Variants in TNRC6A observed in about 807,000 individuals in gnomAD.
TNRC6A encodes the protein trinucleotide repeat containing adaptor 6A, also known as trinucleotide repeat-containing gene 6A protein.
TNRC6A carries 44 observed loss-of-function variants against 221.2 expected under a neutral mutation model. That is an observed-to-expected ratio of 0.20 (90% CI 0.16 to 0.26). TNRC6A has a LOEUF of 0.26. Among genes scored for constraint, TNRC6A ranks in the 10% least tolerant of loss-of-function variants. TNRC6A has a pLI of 1.00. For synonymous variants in TNRC6A, 847 were observed against 838.5 expected, an observed-to-expected ratio of 1.01 and a Z score of -0.18; for missense variants, 2,199 against 2,404.4, an observed-to-expected ratio of 0.91 and a Z score of 1.79.
intron 2 of TNRC6A, among the ~76,000 whole-genome samples, chr16:24,665,632 A>C (rs956307374): frequency 6.6e-6 from 1 of 152,150 alleles, no homozygotes; most frequent in Admixed American, 6.6e-5. Flanking sequence ...GCTGTTTGGT[A>C]GATTGTAGGA....
At position 24,713,417 on chromosome 16, in the gene TNRC6A, AAAACAAACAAAC is replaced by A. The variant is rs144445788; in HGVS notation, n.403-37285_403-37274del. ...TGGCTGACAGAGTAAAACTCTGTCTAAAACAAACAAACAAACAAACAAACAAACAAACAAAAA... is the reference window on the plus strand; with the variant it reads ...TGGCTGACAGAGTAAAACTCTGTCTAAAACAAACAAACAAACAAACAAAAA... On this transcript the variant is annotated intron_variant and non_coding_transcript_variant, in intron 2 of 2. Coordinates refer to the TNRC6A transcript ENST00000566108. Among the ~76,000 whole-genome samples the A allele has an allele frequency of 5.1e-5, 7 of 138,240 alleles. No homozygotes were observed. The South Asian group carries it at 8.5e-4, about 17-fold the overall frequency. 90.7% of individuals were successfully genotyped at this position (138,240 alleles called of 152,430 possible).
rs894481097 is a variant in TNRC6A at position 24,823,943 on chromosome 16, A to G, written c.*136A>G. ...CACATTTTCCACTTTGTTTTCCCCA[A>G]AACATATCAGTTTGAATACTTGAAT... On this transcript the variant is annotated 3_prime_UTR_variant, in exon 25 of 25. Coordinates refer to ENST00000395799, the MANE Select transcript of TNRC6A (RefSeq NM_014494.4). This position sits in a 1 kb window ranked among gnomAD's most constrained non-coding sequence, Gnocchi z 4.3. 2.3e-5 allele frequency: 20 copies of G among 871,476 alleles called. No homozygotes were observed. In the Middle Eastern group the frequency reaches 1.3e-3, roughly 56 times the overall value. 54.0% of individuals were successfully genotyped at this position (871,476 alleles called of 1,614,324 possible).
intron 1 of TNRC6A, among the ~76,000 whole-genome samples, chr16:24,617,025 C>A (rs540813523): frequency 6.6e-6 from 1 of 152,060 alleles, no homozygotes; most frequent in African/African-American, 2.4e-5. Flanking sequence ...CCTTCTTGAT[C>A]TTTTGTGTGT....
chr16:24,771,561 T>TATGTTTTATGTTATGTTG, intron 4 of TNRC6A, among the ~76,000 whole-genome samples: 1 of 99,178 alleles, frequency 1.0e-5, no homozygotes. Context: ...TATGTTATGT[T>TATGTTTTATGTTATGTTG]TTATGTTATG....
In TNRC6A at chr16:24,795,756, T is replaced by C. The variant is rs77368283; in HGVS notation, c.3529-151T>C. The C allele has an allele frequency of 0.018, 11,024 of 611,188 alleles. 934 individuals carry two copies. In the East Asian group the frequency reaches 0.21, roughly 12 times the overall value. The allele number at this position is 611,188 out of a possible 1,614,324, so 37.9% of individuals were successfully genotyped here. On this transcript the variant is annotated intron_variant, in intron 8 of 24. Coordinates refer to ENST00000395799, the MANE Select transcript of TNRC6A (RefSeq NM_014494.4). ...ACAACCATCTAAGATAGGACACTGATGAATTTGAGACTGGAAAAGGTGGTG... is the reference window on the plus strand; with the variant it reads ...ACAACCATCTAAGATAGGACACTGACGAATTTGAGACTGGAAAAGGTGGTG...
intron 2 of TNRC6A, among the ~76,000 whole-genome samples, chr16:24,695,822 C>T (rs2055847555): frequency 6.6e-6 from 1 of 152,112 alleles, no homozygotes; most frequent in Admixed American, 6.6e-5. Flanking sequence ...GTTAATTTGG[C>T]CACGTCACCG....
At chr16:24,661,715 A>G (rs2055039015) in intron 2 of TNRC6A, 1 of 152,206 alleles carries the variant, frequency 6.6e-6, no homozygotes, top group Non-Finnish European at 1.5e-5. Flanking sequence ...CCTGGCCTAC[A>G]TCCTTATTCT....
intron 2 of TNRC6A, among the ~76,000 whole-genome samples, chr16:24,701,366 T>C (rs1567369100): frequency 7.1e-6 from 1 of 139,982 alleles, no homozygotes; most frequent in African/African-American, 3.1e-5. Context: ...TAACTTTTTT[T>C]TCTTTTTTTT....
At chr16:24,774,685 C>G (rs2057683188) in intron 4 of TNRC6A, among the ~76,000 whole-genome samples, 1 of 152,128 alleles carries the variant, frequency 6.6e-6, no homozygotes, top group Non-Finnish European at 1.5e-5. Context: ...ACACTAAGTC[C>G]AGTACTAAGC....
chr16:24,747,113 G>A (rs571653411), intron 2 of TNRC6A, among the ~76,000 whole-genome samples: 52 of 152,186 alleles, frequency 3.4e-4, no homozygotes, highest in African/African-American at 1.2e-3. Flanking sequence ...TTTTCAGATC[G>A]AGATATTGCA....
At chr16:24,730,203 T>C (rs771167175) in intron 1 of TNRC6A, 50 bp from the exon 2 acceptor site, 4 of 1,445,192 alleles carry the variant, frequency 2.8e-6, no homozygotes, top group Non-Finnish European at 1.8e-6. Context: ...CGCATCTCGT[T>C]TTTGTGTGTG....
At chr16:24,623,393 T>G (rs1376356282) in intron 1 of TNRC6A, among the ~76,000 whole-genome samples, 1 of 151,988 alleles carries the variant, frequency 6.6e-6, no homozygotes, top group Non-Finnish European at 1.5e-5. Flanking sequence ...GGAGACAGGA[T>G]TTCACCGTGT....
chr16:24,764,060 T>A (rs983850139), intron 4 of TNRC6A, among the ~76,000 whole-genome samples: 11 of 152,128 alleles, frequency 7.2e-5, no homozygotes, highest in Non-Finnish European at 1.5e-4. Flanking sequence ...TCCCTAGACT[T>A]ACCCACATAC....
At chr16:24,657,077 C>G (rs1193218633) in intron 2 of TNRC6A, among the ~76,000 whole-genome samples, 1 of 151,668 alleles carries the variant, frequency 6.6e-6, no homozygotes, top group Non-Finnish European at 1.5e-5. Flanking sequence ...CTTTGGGAGG[C>G]CAAGGCAAAA....
chr16:24,650,836 T>A (rs1902602094), intron 2 of TNRC6A, among the ~76,000 whole-genome samples: 1 of 152,168 alleles, frequency 6.6e-6, no homozygotes, highest in Admixed American at 6.6e-5. Flanking sequence ...AATATAATCC[T>A]ACCAAAGCAA....
intron 5 of TNRC6A, among the ~76,000 whole-genome samples, chr16:24,786,275 A>G (rs1322951795): frequency 2.0e-5 from 3 of 147,506 alleles, no homozygotes; most frequent in Non-Finnish European, 4.5e-5. Context: ...GATCAGATAT[A>G]GTTCAGAGTC....
chr16:24,737,847 A>G (rs77201976), intron 2 of TNRC6A, among the ~76,000 whole-genome samples: 1 of 84,340 alleles, frequency 1.2e-5, no homozygotes, highest in African/African-American at 4.2e-5. Context: ...TCCCTAAAAC[A>G]TGTGTGCACA....
chr16:24,770,038 C>A (rs1299902658), intron 4 of TNRC6A, among the ~76,000 whole-genome samples: 1 of 152,156 alleles, frequency 6.6e-6, no homozygotes, highest in African/African-American at 2.4e-5. Flanking sequence ...TAGAGGAGGG[C>A]AATCTGGTTG....
At position 24,806,281 on chromosome 16, in the gene TNRC6A, C is replaced by T; in HGVS notation, c.4327C>T (p.Gln1443Ter). 6.2e-7 allele frequency: 1 copy of T among 1,614,118 alleles called. No individual in the cohort carries two copies. The highest frequency in any genetic ancestry group is 8.5e-7 in the Non-Finnish European group (1 of 1,180,030). The change falls in exon 16 of 25, where the codon CAG (glutamine) becomes TAG (stop). Residue 1443 changes from glutamine to a stop codon, truncating the protein, a stop_gained and splice_region_variant. Coordinates refer to ENST00000395799, the MANE Select transcript of TNRC6A (RefSeq NM_014494.4). LOFTEE classifies it high-confidence loss of function. ...PSGNRPQQDQ[Q>*]GRPLSVQQQM... The stretch of plus-strand genomic sequence containing the variant: ...TGGGAACCGGCCGCAGCAAGACCAG[C>T]AGGTAGAGCCCGCCCTGCAACTCGC...
Sources: allele counts gnomAD v4.1 joint callset (sites outside exome capture counted in the v4.1 genomes callset), GRCh38; gene constraint gnomAD v4.1.1; non-coding constraint Gnocchi (gnomAD v3.1); transcripts MANE v1.5; gene names NCBI Gene and HGNC (gene_info 2026-07-23, HGNC 2026-07-21).